The following AIM2 variants were observed in gnomAD, a reference collection of about 807,000 sequenced individuals.
The protein encoded by AIM2 is interferon-inducible protein AIM2.
AIM2 carries 30 observed loss-of-function variants against 27.7 expected under a neutral mutation model. The observed-to-expected ratio is 1.08, with a 90% CI of 0.81 to 1.47. AIM2 has a LOEUF of 1.47. AIM2 is among the 40% of genes most tolerant of loss of function. The pLI is 0.00. For synonymous variants in AIM2, 141 were observed against 145.3 expected (o/e 0.97, Z 0.21); for missense variants, 358 against 411.3 (o/e 0.87, Z 1.12).
chr1:159,086,263 T>C (rs1656909442), intron 1 of AIM2, among the ~76,000 whole-genome samples: 1 of 152,264 alleles, frequency 6.6e-6, no homozygotes, highest in African/African-American at 2.4e-5. Context: ...AAAATATTAA[T>C]AAAAGCCAGA....
downstream of AIM2, among the ~76,000 whole-genome samples, chr1:159,059,209 A>G (rs1655752887): frequency 6.6e-6 from 1 of 152,150 alleles, no homozygotes; most frequent in South Asian, 2.1e-4. Context: ...CTTAGATGCC[A>G]ATTAGACATT....
intron 4 of AIM2, among the ~76,000 whole-genome samples, chr1:159,065,435 C>T (rs527778428): frequency 6.6e-6 from 1 of 152,122 alleles, no homozygotes; most frequent in Non-Finnish European, 1.5e-5. Context: ...AAAAAAGTCT[C>T]CTCAGGCTAA....
intron 1 of AIM2, among the ~76,000 whole-genome samples, chr1:159,138,464 A>C (rs556349844): frequency 6.6e-6 from 1 of 152,290 alleles, no homozygotes; most frequent in Non-Finnish European, 1.5e-5. Context: ...GCATCCTTTA[A>C]ATTCCTCCAT....
intron 1 of AIM2, among the ~76,000 whole-genome samples, chr1:159,139,681 T>A (rs2102058050): frequency 1.3e-5 from 2 of 152,356 alleles, no homozygotes; most frequent in East Asian, 3.9e-4. Context: ...TTCTCACAGG[T>A]ATAGAGCTTC....
At chr1:159,097,519 A>T (rs904307593) in intron 1 of AIM2, among the ~76,000 whole-genome samples, 1 of 152,188 alleles carries the variant, frequency 6.6e-6, no homozygotes. Flanking sequence ...GAACAGAGAG[A>T]TAGTACAAGA....
chr1:159,105,410 T>TG (rs202163465), intron 1 of AIM2, among the ~76,000 whole-genome samples: 9 of 151,928 alleles, frequency 5.9e-5, no homozygotes, highest in African/African-American at 9.7e-5. Context: ...ACATAGTGAG[T>TG]GGGGGGGCAT....
intron 1 of AIM2, among the ~76,000 whole-genome samples, chr1:159,084,635 T>C (rs78974779): frequency 0.096 from 14,538 of 152,034 alleles, 871 homozygotes; most frequent in African/African-American, 0.16. Flanking sequence ...TAGCAGGGCT[T>C]GGTGACACAT....
At chr1:159,095,312 C>T (rs184715624) in intron 1 of AIM2, among the ~76,000 whole-genome samples, 96 of 151,888 alleles carry the variant, frequency 6.3e-4, no homozygotes, top group African/African-American at 2.2e-3. Flanking sequence ...GCCATTTCCC[C>T]GAGGCAGAAA....
intron 1 of AIM2, among the ~76,000 whole-genome samples, chr1:159,107,839 C>A (rs975378833): frequency 2.5e-4 from 38 of 152,056 alleles, no homozygotes; most frequent in Non-Finnish European, 8.8e-5. Context: ...ATGTAACTCT[C>A]CTAGATTAAA....
intron 1 of AIM2, among the ~76,000 whole-genome samples, chr1:159,104,020 G>C (rs1032315761): frequency 1.3e-5 from 2 of 151,814 alleles, no homozygotes; most frequent in African/African-American, 4.8e-5. Flanking sequence ...GAAATAACAG[G>C]AAAAACCTAC....
intron 1 of AIM2, among the ~76,000 whole-genome samples, chr1:159,118,778 A>T (rs1647452190): frequency 6.6e-6 from 1 of 152,094 alleles, no homozygotes; most frequent in Non-Finnish European, 1.5e-5. Flanking sequence ...CTTCTGCAAT[A>T]CTCACAGAGC....
At chr1:159,118,283 G>A (rs941892142) in intron 1 of AIM2, among the ~76,000 whole-genome samples, 2 of 152,122 alleles carry the variant, frequency 1.3e-5, no homozygotes, top group Non-Finnish European at 2.9e-5. Flanking sequence ...CCCTTGACAT[G>A]GGCATGTTAA....
intron 1 of AIM2, among the ~76,000 whole-genome samples, chr1:159,111,843 T>TATCTATCTATC (rs1461553824): frequency 7.3e-6 from 1 of 136,128 alleles, no homozygotes; most frequent in East Asian, 2.2e-4. Flanking sequence ...TCTATCTATC[T>TATCTATCTATC]ATCTATCTAT....
At chr1:159,072,489 T>TC (rs1202231985) in intron 2 of AIM2, among the ~76,000 whole-genome samples, 1 of 152,250 alleles carries the variant, frequency 6.6e-6, no homozygotes, top group African/African-American at 2.4e-5. Context: ...GATATGCTCC[T>TC]CTGTTAGCTC....
chr1:159,108,416 A>G (rs890838670), intron 1 of AIM2, among the ~76,000 whole-genome samples: 3 of 152,218 alleles, frequency 2.0e-5, no homozygotes, highest in Non-Finnish European at 4.4e-5. Context: ...GCCATCTATG[A>G]CAAACCCACA....
upstream of AIM2, chr1:159,076,862 G>C (rs987318963): frequency 6.6e-6 from 1 of 152,292 alleles, no homozygotes; most frequent in Non-Finnish European, 1.5e-5. Context: ...GGCTGAGCTG[G>C]TTTGGGTTCT....
At chr1:159,077,372 C>G (rs569092412), upstream of AIM2, among the ~76,000 whole-genome samples, 1 of 152,316 alleles carries the variant, frequency 6.6e-6, no homozygotes, top group Admixed American at 6.5e-5. Context: ...GATGGTTAAT[C>G]CGGAACTGTC....
At chr1:159,067,327 C>T (rs1475559971) in intron 3 of AIM2, among the ~76,000 whole-genome samples, 2 of 152,196 alleles carry the variant, frequency 1.3e-5, no homozygotes, top group East Asian at 1.9e-4. Flanking sequence ...TAAGACACCT[C>T]TTTTTGGTTT....
chr1:159,101,659 G>A (rs1169098887), intron 1 of AIM2, among the ~76,000 whole-genome samples: 7 of 152,218 alleles, frequency 4.6e-5, no homozygotes, highest in Admixed American at 3.3e-4. Context: ...ATGAAGTCCA[G>A]GCTGAGGTGG....
Sources: allele counts gnomAD v4.1 joint callset (sites outside exome capture counted in the v4.1 genomes callset), GRCh38; gene constraint gnomAD v4.1.1; transcripts MANE v1.5; gene names NCBI Gene and HGNC (gene_info 2026-07-23, HGNC 2026-07-21).